Variants in ZNF610 observed in about 807,000 individuals in gnomAD.
ZNF610 encodes the protein zink finger protein.
ZNF610 carries 14 observed loss-of-function variants against 14.1 expected under a neutral mutation model. That is an observed-to-expected ratio of 0.99 (90% CI 0.65 to 1.55). The LOEUF is 1.55. Among genes scored for constraint, ZNF610 ranks in the 40% most tolerant of loss-of-function variants. The pLI is 0.00. For synonymous variants in ZNF610, 185 were observed against 187.6 expected (o/e 0.99, Z 0.11); for missense variants, 530 against 558.0 (o/e 0.95, Z 0.51).
chr19:52,366,459 C>A lies in ZNF610; in HGVS notation c.1081C>A (p.Arg361=), dbSNP rs780622529. 1 of 1,614,100 alleles carries A rather than the reference C, an allele frequency of 6.2e-7. No homozygotes were observed. Among genetic ancestry groups the A allele is most frequent in the South Asian group, 1.1e-5 (1 of 91,080 alleles). Residue 361 remains arginine (R), a synonymous_variant, in exon 6 of 6, where the codon CGG becomes AGG. Coordinates refer to ENST00000403906, the MANE Select transcript of ZNF610 (RefSeq NM_001161425.2). ...KVFSLLSYLA[R]HQIIHSTEKP... Reference sequence around the variant, plus strand: ...CTTTAGTCTGCTTTCATACCTTGCACGGCATCAAATAATTCATAGTACAGA... The same window carrying A: ...CTTTAGTCTGCTTTCATACCTTGCAAGGCATCAAATAATTCATAGTACAGA...
In ZNF610 at chr19:52,364,422, C is replaced by A. The variant is rs565932904; in HGVS notation, c.320-1276C>A. Among the ~76,000 whole-genome samples, 12 of 152,124 alleles carry A rather than the reference C, an allele frequency of 7.9e-5. No homozygotes were observed. In the East Asian group the frequency reaches 2.3e-3, roughly 29 times the overall value. The stretch of plus-strand genomic sequence containing the variant: ...AGTACTGTCTGGGGTCCTTTTATTT[C>A]CTTTTGAAGGATTCCCTTTAACATT... On this transcript the variant is annotated intron_variant, in intron 5 of 5. Transcript: ENST00000403906.
Position 52,366,662 on chromosome 19 carries a change from C to A in ZNF610, c.1284C>A (p.Tyr428Ter). The A allele has an allele frequency of 6.2e-7, 1 of 1,614,196 alleles. No individual in the cohort carries two copies. The highest frequency in any genetic ancestry group is 1.1e-5 in the South Asian group (1 of 91,086). The part of the protein sequence containing the change: ...HQRIHTGERP[Y>*]KCNACGKVFN... ...GAATTCATACTGGAGAGAGACCTTA[C>A]AAGTGTAATGCATGTGGCAAGGTCT... Residue 428 changes from tyrosine (Y) to a stop codon, truncating the protein, a stop_gained, in exon 6 of 6, where the codon TAC becomes TAA. Transcript: ENST00000403906. LOFTEE classifies it low-confidence loss of function (END_TRUNC).
chr19:52,360,939 C>T (rs1985742899), intron 5 of ZNF610, among the ~76,000 whole-genome samples: 1 of 152,166 alleles, frequency 6.6e-6, no homozygotes, highest in Non-Finnish European at 1.5e-5. Flanking sequence ...GTGTTTTGTC[C>T]ATCACATGGA....
At chr19:52,345,695 ATTTTAT>A (rs1984905435) in intron 1 of ZNF610, 1 of 151,782 alleles carries the variant, frequency 6.6e-6, no homozygotes, top group African/African-American at 2.4e-5. Context: ...TTATTTATTT[ATTTTAT>A]TTTTATTTTT....
chr19:52,357,237 C>A (rs968558809), intron 5 of ZNF610, among the ~76,000 whole-genome samples: 1 of 152,114 alleles, frequency 6.6e-6, no homozygotes, highest in African/African-American at 2.4e-5. Context: ...AGGCTCCAGG[C>A]CCGGCATGGT....
intron 5 of ZNF610, among the ~76,000 whole-genome samples, chr19:52,355,966 GC>G (rs1003166102): frequency 6.6e-6 from 1 of 152,160 alleles, no homozygotes; most frequent in African/African-American, 2.4e-5. Flanking sequence ...TCAATCTCCA[GC>G]CCCTCTCCTA....
chr19:52,346,321 T>C (rs1357047237), intron 1 of ZNF610, among the ~76,000 whole-genome samples: 1 of 150,238 alleles, frequency 6.7e-6, no homozygotes, highest in African/African-American at 2.5e-5. Flanking sequence ...TGCGCCACCA[T>C]GCCCAGCTAA....
At chr19:52,332,868 A>C (rs1366992596), upstream of ZNF610, among the ~76,000 whole-genome samples, 1 of 152,236 alleles carries the variant, frequency 6.6e-6, no homozygotes, top group African/African-American at 2.4e-5. This position sits in a 1 kb window ranked among gnomAD's most constrained non-coding sequence, Gnocchi z 4.1. Flanking sequence ...CTCTGAGAAC[A>C]AGTGAGGAGA....
intron 5 of ZNF610, among the ~76,000 whole-genome samples, chr19:52,359,819 G>A (rs1004031324): frequency 9.9e-5 from 15 of 152,256 alleles, no homozygotes; most frequent in Admixed American, 2.6e-4. Flanking sequence ...CACCAGTTAC[G>A]AGTCTGGGCC....
intron 1 of ZNF610, among the ~76,000 whole-genome samples, chr19:52,341,241 C>T (rs138270441): frequency 1.3e-3 from 198 of 152,282 alleles, no homozygotes; most frequent in Admixed American, 2.7e-3. Context: ...ATCAAGTTAT[C>T]GCATCCACCC....
chr19:52,367,653 TTGAG>T lies in ZNF610; in HGVS notation c.*888_*891del, dbSNP rs1986176423. On this transcript the variant is annotated 3_prime_UTR_variant, in exon 6 of 6. Transcript: ENST00000403906. Reference sequence around the variant, plus strand: ...GATGTTGAGTAATTACACTTAGTACTTGAGTTAGTTTCTCTGTACTCTGGTGTAG... The same window carrying T: ...GATGTTGAGTAATTACACTTAGTACTTTAGTTTCTCTGTACTCTGGTGTAG... 2 of 152,194 alleles carry T rather than the reference TTGAG, an allele frequency of 1.3e-5. No homozygotes were observed. Among genetic ancestry groups the T allele is most frequent in the African/African-American group, 2.4e-5 (1 of 41,432 alleles). The allele number at this position is 152,194 out of a possible 1,614,324, so 9.4% of individuals were successfully genotyped here.
At chr19:52,336,198 G>A (rs796348576), upstream of ZNF610, 3 of 186,374 alleles carry the variant, frequency 1.6e-5, no homozygotes, top group South Asian at 8.6e-5. Flanking sequence ...GCCCCGCCCC[G>A]TCCCGTCCCG....
At chr19:52,348,038 T>G (rs1453194125) in intron 2 of ZNF610, 94 bp downstream of exon 2, 1 of 152,220 alleles carries the variant, frequency 6.6e-6, no homozygotes, top group Non-Finnish European at 1.5e-5. Context: ...TATTTACAAG[T>G]ACATACCATT....
intron 1 of ZNF610, among the ~76,000 whole-genome samples, chr19:52,339,005 A>AG (rs1426394830): frequency 2.0e-5 from 3 of 151,928 alleles, no homozygotes; most frequent in Admixed American, 1.3e-4. Context: ...GGCAGGACAA[A>AG]GGTAATAGTG....
intron 3 of ZNF610, among the ~76,000 whole-genome samples, chr19:52,351,579 G>A (rs775309116): frequency 2.2e-4 from 33 of 152,108 alleles, no homozygotes; most frequent in Non-Finnish European, 3.8e-4. Context: ...TGTCTAGGAT[G>A]CATCCTCTCT....
At chr19:52,336,737 C>T (rs1017884361) in intron 1 of ZNF610, among the ~76,000 whole-genome samples, 1 of 152,134 alleles carries the variant, frequency 6.6e-6, no homozygotes, top group Non-Finnish European at 1.5e-5. Context: ...ATAATTCAGC[C>T]CCACCCTTTT....
At chr19:52,332,656 A>G (rs1984240480), upstream of ZNF610, among the ~76,000 whole-genome samples, 1 of 152,216 alleles carries the variant, frequency 6.6e-6, no homozygotes, top group Admixed American at 6.5e-5. The surrounding 1 kb of genome is among the most constrained non-coding windows in gnomAD (Gnocchi z 4.1). Context: ...AAAGAATTTT[A>G]TGCTCTGCTG....
chr19:52,363,305 G>A (rs1985873145), intron 5 of ZNF610, among the ~76,000 whole-genome samples: 2 of 151,932 alleles, frequency 1.3e-5, no homozygotes, highest in South Asian at 4.1e-4. Context: ...AATTTTTGTA[G>A]TTTTAGTAGA....
the ZNF610 span, among the ~76,000 whole-genome samples, chr19:52,331,021 A>C: frequency 2.5e-3 from 378 of 152,250 alleles, no homozygotes; most frequent in African/African-American, 7.6e-3. Context: ...CTCCACCTCC[A>C]AGGAGGTGGA....
Sources: allele counts gnomAD v4.1 joint callset (sites outside exome capture counted in the v4.1 genomes callset), GRCh38; gene constraint gnomAD v4.1.1; non-coding constraint Gnocchi (gnomAD v3.1); transcripts MANE v1.5; gene names NCBI Gene and HGNC (gene_info 2026-07-23, HGNC 2026-07-21).